Variants in RAB1A observed in about 807,000 individuals in gnomAD.
RAB1A encodes the protein RAB1A, member RAS oncogene family.
RAB1A carries 2 observed loss-of-function variants against 26.0 expected under a neutral mutation model. The ratio of observed to expected loss-of-function variants is 0.08; its 90% CI spans 0.03 to 0.24. The LOEUF (loss-of-function observed/expected upper bound fraction) is 0.24. RAB1A is among the 10% of genes least tolerant of loss of function. The probability of loss-of-function intolerance (pLI) is 1.00; values close to 1 mark genes in which losing one functional copy is unlikely to be tolerated. For missense variants in RAB1A, 100 were observed against 247.0 expected (o/e 0.40, Z 3.99); for synonymous variants, 84 against 84.9 (o/e 0.99, Z 0.06).
chr2:65,105,460 G>A (rs71424158), intron 1 of RAB1A: 5,033 of 141,196 alleles, frequency 0.036, 119 homozygotes, highest in African/African-American at 0.072. Context: ...AGCCGAGATC[G>A]TGCCACTGCA....
chr2:65,122,539 G>A (rs931329396), intron 1 of RAB1A, among the ~76,000 whole-genome samples: 21 of 152,098 alleles, frequency 1.4e-4, no homozygotes, highest in Admixed American at 1.1e-3. Context: ...TGTAGCCTGC[G>A]TGACAGAGTA....
intron 1 of RAB1A, among the ~76,000 whole-genome samples, chr2:65,112,012 G>A (rs948320871): frequency 2.3e-4 from 35 of 152,036 alleles, no homozygotes; most frequent in Non-Finnish European, 4.9e-4. Context: ...GAACCTGGGA[G>A]GTAGAGGTTG....
intron 1 of RAB1A, among the ~76,000 whole-genome samples, chr2:65,119,572 A>G: frequency 6.6e-6 from 1 of 151,712 alleles, no homozygotes; most frequent in Non-Finnish European, 1.5e-5. Context: ...AAAAAAAACA[A>G]AAAAACAAAA....
chr2:65,115,852 A>G (rs1368071538), intron 1 of RAB1A, among the ~76,000 whole-genome samples: 1 of 152,194 alleles, frequency 6.6e-6, no homozygotes, highest in African/African-American at 2.4e-5. Flanking sequence ...TGTTTAGAAC[A>G]GTATTCTAAA....
At chr2:65,108,117 G>A (rs1280566826) in intron 1 of RAB1A, among the ~76,000 whole-genome samples, 2 of 149,778 alleles carry the variant, frequency 1.3e-5, no homozygotes, top group Non-Finnish European at 3.0e-5. Context: ...TAAAAAACAT[G>A]AACGGGGGCC....
At chr2:65,090,866 T>C (rs1405459530) in intron 4 of RAB1A, 117 bp downstream of exon 4, 1 of 546,768 alleles carries the variant, frequency 1.8e-6, no homozygotes, top group Non-Finnish European at 3.0e-6. Context: ...TGGACAAAGT[T>C]TTCTGCCATA....
At chr2:65,099,264 A>C (rs1183858963) in intron 2 of RAB1A, among the ~76,000 whole-genome samples, 2 of 152,210 alleles carry the variant, frequency 1.3e-5, no homozygotes, top group Admixed American at 6.5e-5. Context: ...TTTGTGTACA[A>C]GTTTTCCTGT....
At chr2:65,095,967 C>T (rs1669273509) in intron 3 of RAB1A, among the ~76,000 whole-genome samples, 1 of 152,022 alleles carries the variant, frequency 6.6e-6, no homozygotes, top group Admixed American at 6.6e-5. Context: ...GCCTAACCAA[C>T]ATGGTGAAAC....
chr2:65,095,370 C>T (rs1453520270), intron 3 of RAB1A, among the ~76,000 whole-genome samples: 1 of 151,880 alleles, frequency 6.6e-6, no homozygotes, highest in East Asian at 1.9e-4. Flanking sequence ...GTTTTTGAGA[C>T]AGGGTCTCTC....
intron 1 of RAB1A, among the ~76,000 whole-genome samples, chr2:65,126,568 G>C (rs1034875462): frequency 1.3e-5 from 2 of 152,074 alleles, no homozygotes; most frequent in African/African-American, 4.8e-5. Flanking sequence ...ACCAAATTTA[G>C]CAGAACCCAT....
chr2:65,113,373 G>T (rs958063794), intron 1 of RAB1A, among the ~76,000 whole-genome samples: 6 of 152,064 alleles, frequency 3.9e-5, no homozygotes, highest in African/African-American at 1.4e-4. Context: ...TGGTGCAGTG[G>T]TGCACACCTG....
intron 1 of RAB1A, among the ~76,000 whole-genome samples, chr2:65,121,917 G>T (rs1669971499): frequency 6.6e-6 from 1 of 152,158 alleles, no homozygotes. Flanking sequence ...CTAGCACTTT[G>T]GGAGACCAAG....
At chr2:65,123,272 A>G (rs62140432) in intron 1 of RAB1A, among the ~76,000 whole-genome samples, 105,278 of 148,004 alleles carry the variant, frequency 0.71, 37,705 homozygotes, top group African/African-American at 0.79. Context: ...CCGGGTTCAA[A>G]TGATTCTCCT....
intron 1 of RAB1A, chr2:65,106,449 A>G: frequency 6.6e-6 from 2 of 301,094 alleles, no homozygotes; most frequent in Non-Finnish European, 6.5e-6. Flanking sequence ...TAAAACTTCT[A>G]TAAGCGATTA....
At chr2:65,103,923 C>T (rs1669496051) in intron 2 of RAB1A, among the ~76,000 whole-genome samples, 1 of 152,028 alleles carries the variant, frequency 6.6e-6, no homozygotes, top group Non-Finnish European at 1.5e-5. Context: ...GGACTACAGG[C>T]GTGTGGCACC....
In RAB1A at chr2:65,100,400, CAAAAAAAAAA is replaced by C. The variant is rs34166798; in HGVS notation, c.97-2344_97-2335del. 8.6e-5 allele frequency among the ~76,000 whole-genome samples: 5 copies of C among 57,976 alleles called. No individual in the cohort carries two copies. The East Asian group carries it at 1.6e-3, about 19-fold the overall frequency. 38.0% of individuals were successfully genotyped at this position (57,976 alleles called of 152,430 possible). ...CAGGCGACAAGGCATGTCTCTGTCT[CAAAAAAAAAA>C]AAAAAAAAAAAAAGTTATGTTGTAA... is the stretch of plus-strand genomic sequence containing the variant. On this transcript the variant is annotated intron_variant, in intron 2 of 5. Coordinates refer to ENST00000409784, the MANE Select transcript of RAB1A (RefSeq NM_004161.5).
chr2:65,090,840 C>T (rs138541944), intron 4 of RAB1A, 143 bp downstream of exon 4: 705 of 463,630 alleles, frequency 1.5e-3, no homozygotes, highest in Non-Finnish European at 2.1e-3. Context: ...AAGTGATTCA[C>T]ATTTATATTT....
intron 1 of RAB1A, among the ~76,000 whole-genome samples, chr2:65,114,615 G>A (rs928808346): frequency 4.0e-5 from 6 of 151,734 alleles, no homozygotes; most frequent in Non-Finnish European, 7.4e-5. Context: ...AGGCCGAGGC[G>A]GGTGGATCAT....
chr2:65,098,885 GA>G (rs1669352848), intron 2 of RAB1A, among the ~76,000 whole-genome samples: 1 of 123,200 alleles, frequency 8.1e-6, no homozygotes, highest in Non-Finnish European at 1.6e-5. Context: ...GCCCATGCTG[GA>G]GTGCAGTGTC....
Sources: gnomAD v4.1 joint callset for allele counts (sites outside exome capture counted in the v4.1 genomes callset) on GRCh38, gnomAD v4.1.1 for gene constraint, MANE v1.5 for transcripts, NCBI Gene and HGNC (gene_info 2026-07-23, HGNC 2026-07-21) for gene names.